Variants in XRRA1 observed in about 807,000 individuals in gnomAD.
The protein encoded by XRRA1 is X-ray radiation resistance associated 1, also known as X-ray radiation resistance-associated protein 1.
Under a neutral mutation model 80.2 loss-of-function variants are expected in XRRA1, and 69 were observed. That is an observed-to-expected ratio of 0.86 (90% CI 0.71 to 1.05). The LOEUF is 1.05. Ranked by LOEUF, XRRA1 falls within the 50% of genes least tolerant of loss-of-function variation. The probability of loss-of-function intolerance (pLI) is 0.00; values close to 1 mark genes in which losing one functional copy is unlikely to be tolerated. For synonymous variants in XRRA1, 348 were observed against 389.9 expected (o/e 0.89, Z 1.27); for missense variants, 967 against 976.4 (o/e 0.99, Z 0.13).
chr11:74,866,980 C>A (rs149170878), intron 10 of XRRA1, among the ~76,000 whole-genome samples: 1 of 152,144 alleles, frequency 6.6e-6, no homozygotes, highest in Non-Finnish European at 1.5e-5. Flanking sequence ...TGGGTGTGCA[C>A]GTACCCCACC....
chr11:74,854,362 A>C (rs1361588840), intron 12 of XRRA1, among the ~76,000 whole-genome samples: 1 of 152,178 alleles, frequency 6.6e-6, no homozygotes, highest in Non-Finnish European at 1.5e-5. Flanking sequence ...TTAACATTTG[A>C]TCTTCTAGAC....
At chr11:74,916,107 CTT>C (rs1431266193) in intron 8 of XRRA1, among the ~76,000 whole-genome samples, 1 of 152,166 alleles carries the variant, frequency 6.6e-6, no homozygotes, top group Non-Finnish European at 1.5e-5. Context: ...GATCCTCTGT[CTT>C]TTAACAGTCT....
chr11:74,927,577 G>A (rs1942570562), intron 6 of XRRA1, 89 bp from the exon 7 acceptor site: 3 of 905,416 alleles, frequency 3.3e-6, no homozygotes, highest in Non-Finnish European at 5.3e-6. Context: ...TGTCCCTACT[G>A]GGTTAGGCCA....
At chr11:74,889,235 G>C (rs1013825936) in intron 10 of XRRA1, among the ~76,000 whole-genome samples, 1 of 152,136 alleles carries the variant, frequency 6.6e-6, no homozygotes, top group African/African-American at 2.4e-5. Flanking sequence ...CCAGAAGAGA[G>C]TGGGGGCCAA....
chr11:74,859,245 G>T lies in XRRA1; in HGVS notation c.1083C>A (p.Ile361=). 1 of 1,610,302 alleles carries T rather than the reference G, an allele frequency of 6.2e-7. No homozygotes were observed. Among genetic ancestry groups the T allele is most frequent in the Non-Finnish European group, 8.5e-7 (1 of 1,178,534 alleles). The change falls in exon 12 of 19, where the codon ATC becomes ATA. Residue 361 remains isoleucine (I), a synonymous_variant. Transcript: ENST00000684022. ...KICSLPPIFE[I]LPVKSLKARN... ...TGGCCTTCAGTGACTTCACAGGAAG[G>T]ATCTCGAATATGGGAGGAAGTGAAC...
intron 10 of XRRA1, among the ~76,000 whole-genome samples, chr11:74,901,592 C>T (rs2053584493): frequency 6.6e-6 from 1 of 152,134 alleles, no homozygotes; most frequent in African/African-American, 2.4e-5. Context: ...TAAAAATGGA[C>T]ACACAGACCA....
At chr11:74,936,703 G>A (rs1360591653) in intron 4 of XRRA1, among the ~76,000 whole-genome samples, 181 bp downstream of exon 4, 2 of 152,206 alleles carry the variant, frequency 1.3e-5, no homozygotes, top group Non-Finnish European at 2.9e-5. Context: ...TGTCAAGAAA[G>A]CTTTACATGT....
At chr11:74,926,504 G>C (rs1271180566) in intron 7 of XRRA1, among the ~76,000 whole-genome samples, 1 of 152,204 alleles carries the variant, frequency 6.6e-6, no homozygotes, top group Non-Finnish European at 1.5e-5. Context: ...ATGTGGAGAA[G>C]AGTCTATTAC....
At chr11:74,882,564 C>A (rs1447782938) in intron 10 of XRRA1, among the ~76,000 whole-genome samples, 2 of 152,194 alleles carry the variant, frequency 1.3e-5, no homozygotes, top group Non-Finnish European at 2.9e-5. Flanking sequence ...GAACTGCGTT[C>A]CTTTGGAGGA....
In XRRA1 at chr11:74,848,281, T is replaced by G. The variant is rs574686553; in HGVS notation, c.1562A>C (p.His521Pro). Residue 521 changes from histidine (H) to proline (P), a missense_variant, in exon 15 of 19, where the codon CAT (histidine) becomes CCT (proline). Physicochemically the swap from His to Pro is moderately conservative, Grantham distance 77. Coordinates refer to ENST00000684022, the MANE Select transcript of XRRA1 (RefSeq NM_001378157.1). Reference sequence around the variant, plus strand: ...CACGAAGGTCCGGCAAGACGGGGAATGGCCTTCCAGGTTCTCAGTGGGCAT... The same window carrying G: ...CACGAAGGTCCGGCAAGACGGGGAAGGGCCTTCCAGGTTCTCAGTGGGCAT... Reference protein sequence around the residue: ...SEMPTENLEGHSPSCRTFVPL... With the variant: ...SEMPTENLEGPSPSCRTFVPL... 6.2e-7 allele frequency: 1 copy of G among 1,613,894 alleles called. No individual in the cohort carries two copies. The highest frequency in any genetic ancestry group is 1.3e-5 in the African/African-American group (1 of 75,030).
chr11:74,846,742 C>A (rs1287585192), intron 15 of XRRA1, among the ~76,000 whole-genome samples: 3 of 152,204 alleles, frequency 2.0e-5, no homozygotes, highest in East Asian at 3.9e-4. Flanking sequence ...AAAGTAACTT[C>A]CTCAACCAGA....
intron 10 of XRRA1, among the ~76,000 whole-genome samples, chr11:74,877,544 G>A (rs1008066343): frequency 2.0e-5 from 3 of 151,504 alleles, no homozygotes; most frequent in African/African-American, 7.3e-5. Context: ...CATGTGCCAT[G>A]CTGGTGCGCT....
At chr11:74,903,767 C>T (rs538575959) in intron 10 of XRRA1, among the ~76,000 whole-genome samples, 1 of 152,250 alleles carries the variant, frequency 6.6e-6, no homozygotes, top group South Asian at 2.1e-4. Flanking sequence ...GTCTTAAAAA[C>T]AATGTTGACT....
intron 10 of XRRA1, chr11:74,863,360 A>C: frequency 3.3e-6 from 1 of 302,068 alleles, no homozygotes; most frequent in South Asian, 4.8e-5. Flanking sequence ...TCTGACTTTA[A>C]AGCACATAAG....
At chr11:74,877,515 GGTTA>G (rs2046326504) in intron 10 of XRRA1, among the ~76,000 whole-genome samples, 1 of 151,598 alleles carries the variant, frequency 6.6e-6, no homozygotes, top group South Asian at 2.1e-4. Context: ...ACATTGTGCA[GGTTA>G]GTTACATATG....
intron 6 of XRRA1, 105 bp from the exon 7 acceptor site, chr11:74,927,593 T>C (rs1323385310): frequency 8.5e-6 from 6 of 708,692 alleles, no homozygotes; most frequent in East Asian, 5.5e-5. Flanking sequence ...GGCCAGGCAC[T>C]GTATAAGGTA....
chr11:74,851,320 C>G (rs2039785149), intron 13 of XRRA1, 117 bp from the exon 14 acceptor site: 2 of 699,958 alleles, frequency 2.9e-6, no homozygotes, highest in African/African-American at 1.8e-5. Flanking sequence ...ATTCTCAACC[C>G]TAGGAGGTAG....
intron 9 of XRRA1, 113 bp from the exon 10 acceptor site, chr11:74,906,569 T>C: frequency 8.4e-7 from 1 of 1,195,286 alleles, no homozygotes. Context: ...TTATTCCTCT[T>C]GTGTGACGTT....
intron 5 of XRRA1, among the ~76,000 whole-genome samples, chr11:74,930,795 T>C (rs1018435153): frequency 6.6e-6 from 1 of 152,048 alleles, no homozygotes; most frequent in Non-Finnish European, 1.5e-5. Flanking sequence ...TACTCAATAG[T>C]TTTTGTGTGT....
Sources: allele counts gnomAD v4.1 joint callset (sites outside exome capture counted in the v4.1 genomes callset), GRCh38; gene constraint gnomAD v4.1.1; transcripts MANE v1.5; gene names NCBI Gene and HGNC (gene_info 2026-07-23, HGNC 2026-07-21).